UBXN2A: variants seen among roughly 807,000 people sequenced by gnomAD.
The protein encoded by UBXN2A is UBX domain protein 2A.
In UBXN2A, 28 loss-of-function variants were observed where a neutral mutation model predicts 28.4. The observed-to-expected ratio is 0.99, with a 90% confidence interval of 0.73 to 1.35. The LOEUF (loss-of-function observed/expected upper bound fraction) is 1.35. Ranked by LOEUF, UBXN2A falls within the 40% of genes most tolerant of loss-of-function variation. UBXN2A has a pLI of 0.00. For missense variants in UBXN2A, 253 were observed against 297.9 expected (o/e 0.85, Z 1.11); for synonymous variants, 97 against 103.6 (o/e 0.94, Z 0.39).
chr2:23,960,101 A>C lies in UBXN2A; in HGVS notation c.41+1746A>C, dbSNP rs1340317430. Among the ~76,000 whole-genome samples the C allele has an allele frequency of 2.6e-5, 4 of 152,046 alleles. No homozygotes were observed. In the East Asian group the frequency reaches 7.8e-4, roughly 29 times the overall value. The stretch of plus-strand genomic sequence containing the variant: ...CCCCGTCTCTACTAAAAATACAAAA[A>C]AAAAATTAACTGGGCATGGTGGCGG... On this transcript the variant is annotated intron_variant, in intron 2 of 6. Coordinates refer to ENST00000309033, the MANE Select transcript of UBXN2A (RefSeq NM_181713.4).
At chr2:23,935,922 G>A (rs951290239), upstream of UBXN2A, among the ~76,000 whole-genome samples, 1 of 152,038 alleles carries the variant, frequency 6.6e-6, no homozygotes, top group African/African-American at 2.4e-5. Context: ...TGGTTGGGGG[G>A]CACCTTTAAT....
intron 6 of UBXN2A, among the ~76,000 whole-genome samples, chr2:23,997,601 C>T (rs1353955275): frequency 2.0e-5 from 3 of 151,640 alleles, no homozygotes; most frequent in East Asian, 3.9e-4. Context: ...ACAGGCACCA[C>T]CACACCCAGC....
At chr2:23,962,757 A>C (rs1706989613) in intron 2 of UBXN2A, among the ~76,000 whole-genome samples, 1 of 151,890 alleles carries the variant, frequency 6.6e-6, no homozygotes, top group African/African-American at 2.4e-5. Context: ...AGGCATGTGC[A>C]ACCACACCTG....
chr2:23,964,322 T>C (rs986463292), intron 2 of UBXN2A, among the ~76,000 whole-genome samples: 1 of 152,126 alleles, frequency 6.6e-6, no homozygotes, highest in African/African-American at 2.4e-5. Context: ...GTGATTCTCC[T>C]GCCTCAGCCT....
At chr2:23,948,275 CAG>C (rs1469387348) in intron 1 of UBXN2A, among the ~76,000 whole-genome samples, 1 of 123,820 alleles carries the variant, frequency 8.1e-6, no homozygotes, top group East Asian at 2.4e-4. Flanking sequence ...TTTTTTGAGA[CAG>C]AGTCTCACTC....
chr2:23,966,423 C>A (rs896588318), intron 2 of UBXN2A, among the ~76,000 whole-genome samples: 3 of 151,266 alleles, frequency 2.0e-5, no homozygotes, highest in African/African-American at 4.9e-5. Context: ...GCGTGAGCCA[C>A]CGCACCTGGC....
intron 1 of UBXN2A, among the ~76,000 whole-genome samples, chr2:23,951,238 A>C (rs1315216170): frequency 6.6e-6 from 1 of 151,752 alleles, no homozygotes; most frequent in Non-Finnish European, 1.5e-5. Flanking sequence ...TGAAAAACAA[A>C]CAGCCCCACC....
At chr2:23,972,619 C>G (rs1707465602) in intron 3 of UBXN2A, among the ~76,000 whole-genome samples, 1 of 152,006 alleles carries the variant, frequency 6.6e-6, no homozygotes, top group Non-Finnish European at 1.5e-5. Flanking sequence ...GTCAGGAGTT[C>G]AAGATCAGCC....
At chr2:23,954,568 T>C (rs1382041786) in intron 1 of UBXN2A, among the ~76,000 whole-genome samples, 2 of 152,134 alleles carry the variant, frequency 1.3e-5, no homozygotes, top group Non-Finnish European at 2.9e-5. Flanking sequence ...CCAACGCTTG[T>C]TTTCTGCTTT....
intron 2 of UBXN2A, among the ~76,000 whole-genome samples, chr2:23,962,906 G>A (rs958206480): frequency 6.6e-5 from 10 of 152,144 alleles, no homozygotes; most frequent in South Asian, 4.1e-4. Flanking sequence ...CACCGCGTCC[G>A]GCAAGGAAGA....
rs774125391 is a variant in UBXN2A at position 24,002,954 on chromosome 2, G to C, written c.*3087G>C. ...TTTGACTTCACAGTGCCCTGAATGG[G>C]TCTTGGGAATCTCCAGGGATCCCTC... is the stretch of plus-strand genomic sequence containing the variant. On this transcript the variant is annotated 3_prime_UTR_variant, in exon 7 of 7. Coordinates refer to ENST00000309033, the MANE Select transcript of UBXN2A (RefSeq NM_181713.4). The C allele has an allele frequency of 6.6e-5, 10 of 152,140 alleles. No individual in the cohort carries two copies. The highest frequency in any genetic ancestry group is 1.3e-4 in the Non-Finnish European group (9 of 68,032). The allele number at this position is 152,140 out of a possible 1,614,324, so 9.4% of individuals were successfully genotyped here. A position where few individuals can be genotyped will look rare whatever the true frequency, so the allele number is the denominator to read the frequency against.
At chr2:23,988,312 G>C (rs12618362) in intron 6 of UBXN2A, among the ~76,000 whole-genome samples, 1 of 152,044 alleles carries the variant, frequency 6.6e-6, no homozygotes, top group Middle Eastern at 3.2e-3. Flanking sequence ...TCGACTAATA[G>C]ACCCTAATTC....
rs550763165 is a variant in UBXN2A, at chr2:23,941,786, A to G, written c.-15+1138A>G. On this transcript the variant is annotated intron_variant, in intron 1 of 6. Coordinates refer to ENST00000309033, the MANE Select transcript of UBXN2A (RefSeq NM_181713.4). ...GGGCAAAACAGATATTAAGCAAATA[A>G]TCAGGGCCCGGAGCGATGGCTCACG... Among the ~76,000 whole-genome samples, 6 of 152,284 alleles carry G rather than the reference A, an allele frequency of 3.9e-5. No homozygotes were observed. In the South Asian group the frequency reaches 1.2e-3, roughly 32 times the overall value.
chr2:23,942,523 G>A (rs971092096), intron 1 of UBXN2A, among the ~76,000 whole-genome samples: 2 of 147,710 alleles, frequency 1.4e-5, no homozygotes, highest in African/African-American at 5.0e-5. Context: ...GGATTCAAGC[G>A]ATTCTCCTGC....
rs1455083753 is a variant in UBXN2A at position 24,003,658 on chromosome 2, T to A, written c.*3791T>A. ...GTACATAATAGAAAATAAATAATTA[T>A]TGTTGGTAATGTTTACACAGCAGTG... On this transcript the variant is annotated 3_prime_UTR_variant, in exon 7 of 7. Transcript: ENST00000309033. 1.3e-5 allele frequency: 2 copies of A among 151,234 alleles called. No individual in the cohort carries two copies. Among genetic ancestry groups the A allele is most frequent in the Non-Finnish European group, 2.9e-5 (2 of 67,940 alleles). 9.4% of individuals were successfully genotyped at this position (151,234 alleles called of 1,614,324 possible).
At chr2:23,969,128 T>G (rs1707301008) in intron 2 of UBXN2A, 1 of 152,116 alleles carries the variant, frequency 6.6e-6, no homozygotes. Flanking sequence ...CTTGACCCCG[T>G]GATCCGCCTG....
intron 2 of UBXN2A, 66 bp downstream of exon 2, chr2:23,958,421 C>G (rs1479568028): frequency 6.9e-7 from 1 of 1,453,668 alleles, no homozygotes; most frequent in East Asian, 2.4e-5. Context: ...ATTTTTATTA[C>G]ATTTCACTTG....
At chr2:23,982,752 T>C (rs1027814449) in intron 4 of UBXN2A, 144 bp from the exon 5 acceptor site, 7 of 858,200 alleles carry the variant, frequency 8.2e-6, no homozygotes, top group African/African-American at 1.7e-5. Flanking sequence ...CTACATTGTT[T>C]TGAATACATT....
intron 1 of UBXN2A, among the ~76,000 whole-genome samples, chr2:23,954,717 A>G (rs2150826091): frequency 6.7e-6 from 1 of 149,248 alleles, no homozygotes; most frequent in East Asian, 2.0e-4. Flanking sequence ...CTTTGGAAAA[A>G]TGTCTATTCA....
Sources: allele counts gnomAD v4.1 joint callset (sites outside exome capture counted in the v4.1 genomes callset), GRCh38; gene constraint gnomAD v4.1.1; transcripts MANE v1.5; gene names NCBI Gene and HGNC (gene_info 2026-07-23, HGNC 2026-07-21).